LAMA2: variants seen among roughly 807,000 people sequenced by gnomAD.
LAMA2 encodes the protein laminin subunit alpha 2.
LAMA2 carries 269 observed loss-of-function variants against 364.8 expected under a neutral mutation model. That is an observed-to-expected ratio of 0.74 (90% CI 0.67 to 0.82). The LOEUF (loss-of-function observed/expected upper bound fraction) is 0.82, where lower values mean the gene tolerates loss of function less well. Among genes scored for constraint, LAMA2 ranks in the 40% least tolerant of loss-of-function variants. The pLI, the probability that LAMA2 is intolerant of heterozygous loss-of-function variation, is 0.00. For synonymous variants in LAMA2, 1,379 were observed against 1,370.6 expected (o/e 1.01, Z -0.14); for missense variants, 3,807 against 3,873.2 (o/e 0.98, Z 0.45).
intron 3 of LAMA2, among the ~76,000 whole-genome samples, chr6:129,062,015 G>A (rs62423270): frequency 0.29 from 43,331 of 151,994 alleles, 6,549 homozygotes; most frequent in African/African-American, 0.39. Flanking sequence ...CAGTTATTTA[G>A]TGATGTGAAA....
chr6:129,143,840 A>G, intron 4 of LAMA2, 61 bp from the exon 5 acceptor site: 1 of 1,259,224 alleles, frequency 7.9e-7, no homozygotes, highest in Non-Finnish European at 1.1e-6. Flanking sequence ...AGAAAAAGAA[A>G]CAAAATCAAT....
At position 129,456,498 on chromosome 6, in the gene LAMA2, A is replaced by T. The variant is rs774400289; in HGVS notation, c.6867+4A>T. 3 of 1,611,614 alleles carry T rather than the reference A, an allele frequency of 1.9e-6. No individual in the cohort carries two copies. In the African/African-American group the frequency reaches 4.0e-5, roughly 22 times the overall value. On this transcript the variant is annotated splice_donor_region_variant and intron_variant, in intron 48 of 64. Transcript: ENST00000421865. ...TGGCCTGACTGGGAAATTAAAGGTA[A>T]TGTGTTCATCCTCCTCCTGTTTATT... is the stretch of plus-strand genomic sequence containing the variant.
chr6:129,486,051 GAA>G (rs1455470025), intron 55 of LAMA2, among the ~76,000 whole-genome samples: 1 of 152,210 alleles, frequency 6.6e-6, no homozygotes, highest in African/African-American at 2.4e-5. Context: ...CCAGCTCAGA[GAA>G]CAAATTGAAG....
chr6:129,263,983 A>G (rs1787316757), intron 15 of LAMA2, among the ~76,000 whole-genome samples: 2 of 152,144 alleles, frequency 1.3e-5, no homozygotes, highest in Non-Finnish European at 2.9e-5. Context: ...AGCTCAAGCA[A>G]TCCTCCCACC....
chr6:129,024,455 C>A (rs1785669182), intron 1 of LAMA2, among the ~76,000 whole-genome samples: 1 of 149,602 alleles, frequency 6.7e-6, no homozygotes, highest in East Asian at 2.0e-4. Context: ...ATGATCTCAG[C>A]TCACTGCAAC....
intron 2 of LAMA2, among the ~76,000 whole-genome samples, chr6:129,053,719 C>A (rs1788258990): frequency 6.6e-6 from 1 of 152,122 alleles, no homozygotes; most frequent in Non-Finnish European, 1.5e-5. Context: ...ATCCATTGAA[C>A]ACCTTTCTAA....
intron 2 of LAMA2, among the ~76,000 whole-genome samples, chr6:129,058,912 G>A (rs1788682276): frequency 6.6e-6 from 1 of 152,194 alleles, no homozygotes; most frequent in South Asian, 2.1e-4. Context: ...TTGGAAAATA[G>A]TAAATGATTT....
At chr6:129,451,326 C>T (rs1201331952) in intron 45 of LAMA2, among the ~76,000 whole-genome samples, 1 of 152,206 alleles carries the variant, frequency 6.6e-6, no homozygotes, top group African/African-American at 2.4e-5. Flanking sequence ...AGACTGTCTC[C>T]CTAGGACACA....
intron 4 of LAMA2, among the ~76,000 whole-genome samples, chr6:129,111,052 A>G (rs1776129880): frequency 6.6e-6 from 1 of 152,072 alleles, no homozygotes; most frequent in Admixed American, 6.6e-5. Context: ...GCTATCATCA[A>G]AAGTCCTTGA....
chr6:129,230,933 T>C (rs1478215556), intron 12 of LAMA2, among the ~76,000 whole-genome samples: 2 of 152,092 alleles, frequency 1.3e-5, no homozygotes, highest in Non-Finnish European at 2.9e-5. Flanking sequence ...GTCTTTCTTT[T>C]ATAGGACTAT....
intron 12 of LAMA2, among the ~76,000 whole-genome samples, chr6:129,237,701 GTCAAAGTATATATGCAT>G (rs1357239056): frequency 6.6e-6 from 1 of 152,114 alleles, no homozygotes; most frequent in African/African-American, 2.4e-5. Flanking sequence ...AAACTGCTAT[GTCAAAGTATATATGCAT>G]TTATAATTTT....
intron 4 of LAMA2, among the ~76,000 whole-genome samples, chr6:129,128,026 A>T (rs1777218423): frequency 6.6e-6 from 1 of 151,796 alleles, no homozygotes; most frequent in Non-Finnish European, 1.5e-5. Context: ...GTTTGTTTTT[A>T]CTTTTGTGGC....
intron 40 of LAMA2, among the ~76,000 whole-genome samples, chr6:129,424,762 T>C (rs979459933): frequency 6.6e-6 from 1 of 152,052 alleles, no homozygotes; most frequent in African/African-American, 2.4e-5. Flanking sequence ...GTGATGGGAA[T>C]ATAAATAGTT....
chr6:128,957,927 G>A (rs1781255618), intron 1 of LAMA2, among the ~76,000 whole-genome samples: 1 of 128,898 alleles, frequency 7.8e-6, no homozygotes, highest in Admixed American at 9.6e-5. Context: ...AAGAAGAGTT[G>A]TATCATCTGC....
intron 1 of LAMA2, among the ~76,000 whole-genome samples, chr6:128,885,728 A>G (rs1438494191): frequency 6.6e-6 from 1 of 152,202 alleles, no homozygotes; most frequent in Non-Finnish European, 1.5e-5. Flanking sequence ...TGAATCAACC[A>G]TTTTTAGATG....
chr6:129,240,726 A>G (rs556370218), intron 12 of LAMA2, among the ~76,000 whole-genome samples: 165 of 152,332 alleles, frequency 1.1e-3, no homozygotes, highest in African/African-American at 3.9e-3. Flanking sequence ...TACAGAGAGT[A>G]TGTTGTTTGC....
At position 129,316,057 on chromosome 6, in the gene LAMA2, G is replaced by C. The variant is rs1418316896; in HGVS notation, c.3944G>C (p.Gly1315Ala). Residue 1315 changes from glycine (G) to alanine (A), a missense_variant, in exon 27 of 65, where the codon GGG becomes GCG. Coordinates refer to ENST00000421865, the MANE Select transcript of LAMA2 (RefSeq NM_000426.4). The stretch of plus-strand genomic sequence containing the variant: ...TAACAGAAAGAATGGAAATATTATG[G>C]GGATGATCCTCGAGTCCATAGAACT... ...EMTEKEWKYY[G>A]DDPRVHRTVT... 1 of 1,613,924 alleles carries C rather than the reference G, an allele frequency of 6.2e-7. No individual in the cohort carries two copies.
chr6:129,210,249 T>C (rs956155410), intron 12 of LAMA2, among the ~76,000 whole-genome samples: 2 of 152,168 alleles, frequency 1.3e-5, no homozygotes, highest in Non-Finnish European at 2.9e-5. Flanking sequence ...ACCTGCAGTA[T>C]GCTTTTAGTC....
chr6:129,162,610 T>C (rs1204165213), intron 8 of LAMA2, among the ~76,000 whole-genome samples: 1 of 152,166 alleles, frequency 6.6e-6, no homozygotes, highest in Non-Finnish European at 1.5e-5. Context: ...ACTTTAAAGA[T>C]GTGGCACCAT....
Sources: allele counts gnomAD v4.1 joint callset (sites outside exome capture counted in the v4.1 genomes callset), GRCh38; gene constraint gnomAD v4.1.1; transcripts MANE v1.5; gene names NCBI Gene and HGNC (gene_info 2026-07-23, HGNC 2026-07-21).